FREM1: variants seen among roughly 807,000 people sequenced by gnomAD.
FREM1 encodes the protein FRAS1 related extracellular matrix 1, also known as FRAS1-related extracellular matrix protein 1.
Under a neutral mutation model 210.1 loss-of-function variants are expected in FREM1, and 220 were observed. That is an observed-to-expected ratio of 1.05 (90% CI 0.94 to 1.17). FREM1 has a LOEUF of 1.17. Ranked by LOEUF, FREM1 falls within the 50% of genes most tolerant of loss-of-function variation. The pLI, the probability that FREM1 is intolerant of heterozygous loss-of-function variation, is 0.00. For missense variants in FREM1, 3,454 were observed against 2,675.5 expected (o/e 1.29, Z -6.42); for synonymous variants, 1,189 against 980.2 (o/e 1.21, Z -3.98).
chr9:14,897,427 G>A (rs983466538), intron 1 of FREM1, among the ~76,000 whole-genome samples: 4 of 151,918 alleles, frequency 2.6e-5, no homozygotes, highest in Admixed American at 6.6e-5. Context: ...GCCCAAAGAG[G>A]CTAAGTGATT....
intron 2 of FREM1, among the ~76,000 whole-genome samples, chr9:14,864,575 G>A (rs992736982): frequency 2.0e-5 from 3 of 152,152 alleles, no homozygotes; most frequent in African/African-American, 7.2e-5. Flanking sequence ...AAATTATAAT[G>A]AACTGTCTCA....
chr9:14,896,564 AAG>A (rs1236149120), intron 1 of FREM1, among the ~76,000 whole-genome samples: 2 of 145,914 alleles, frequency 1.4e-5, no homozygotes, highest in African/African-American at 5.0e-5. Context: ...AAAAAAAAAA[AAG>A]AAGCATGAAT....
intron 27 of FREM1, among the ~76,000 whole-genome samples, chr9:14,762,962 C>T (rs773911402): frequency 6.6e-6 from 1 of 152,014 alleles, no homozygotes; most frequent in Admixed American, 6.5e-5. Context: ...GAGAGAAATT[C>T]GTAAAGTTCT....
intron 18 of FREM1, among the ~76,000 whole-genome samples, chr9:14,806,436 G>T (rs1004572849): frequency 5.7e-4 from 86 of 151,976 alleles, no homozygotes; most frequent in East Asian, 2.9e-3. Context: ...TTTATATTTA[G>T]TAGAGAGGGG....
At chr9:14,798,202 A>C (rs1852807902) in intron 20 of FREM1, among the ~76,000 whole-genome samples, 1 of 152,240 alleles carries the variant, frequency 6.6e-6, no homozygotes, top group Non-Finnish European at 1.5e-5. Context: ...ACCCAGATTT[A>C]TATAAAATGT....
In FREM1 at chr9:14,910,290, T is replaced by G. The variant is rs1484611173; in HGVS notation, c.-644A>C. The G allele has an allele frequency of 6.6e-6, 1 of 152,250 alleles. No homozygotes were observed. The highest frequency in any genetic ancestry group is 2.1e-4 in the South Asian group (1 of 4,832). The allele number at this position is 152,250 out of a possible 1,614,324, so 9.4% of individuals were successfully genotyped here. On this transcript the variant is annotated 5_prime_UTR_variant, in exon 1 of 37. Coordinates refer to ENST00000380880, the MANE Select transcript of FREM1 (RefSeq NM_001379081.2). Reference sequence around the variant, plus strand: ...TCTACTGTTTACACAGAGCCCGACCTCCCTGGCGGACAGCCACCGCTAGCC... The same window carrying G: ...TCTACTGTTTACACAGAGCCCGACCGCCCTGGCGGACAGCCACCGCTAGCC...
Position 14,847,297 on chromosome 9 carries a change from T to G in FREM1, c.1262-1206A>C, listed in dbSNP as rs114255481. ...ATGCGTTTTTATTTGCTTCTCCCCTTACTCTTGCTTTTAGTATAGGGTTAG... is the reference window on the plus strand; with the variant it reads ...ATGCGTTTTTATTTGCTTCTCCCCTGACTCTTGCTTTTAGTATAGGGTTAG... On this transcript the variant is annotated intron_variant, in intron 7 of 36. Transcript: ENST00000380880. Among the ~76,000 whole-genome samples, 869 of 152,068 alleles carry G rather than the reference T, an allele frequency of 5.7e-3. 6 individuals carry two copies. Among genetic ancestry groups the G allele is most frequent in the African/African-American group, 0.02 (819 of 41,466 alleles).
chr9:14,803,551 T>C (rs1225635594), intron 19 of FREM1, among the ~76,000 whole-genome samples: 1 of 152,050 alleles, frequency 6.6e-6, no homozygotes, highest in Non-Finnish European at 1.5e-5. Context: ...TTATTATTTG[T>C]AGAGATGGGG....
Position 14,747,383 on chromosome 9 carries a change from T to G in FREM1, c.5890A>C (p.Thr1964Pro), listed in dbSNP as rs780594544. ...SLKLEDDSFP[T>P]HKRKAKVSII... ...GATACTTTGGCCTTCCTTTTGTGAG[T>G]TGGGAAACTGTCATCCTCCAGTTTC... The change falls in exon 33 of 37, where the codon ACT (threonine) becomes CCT (proline). Residue 1964 changes from threonine to proline, a missense_variant. Physicochemically the swap from Thr to Pro is conservative, Grantham distance 38. Coordinates refer to ENST00000380880, the MANE Select transcript of FREM1 (RefSeq NM_001379081.2). 3.1e-6 allele frequency: 5 copies of G among 1,613,586 alleles called. No homozygotes were observed. The highest frequency in any genetic ancestry group is 1.3e-5 in the African/African-American group (1 of 74,880).
At chr9:14,889,715 G>A (rs1217473242) in intron 1 of FREM1, among the ~76,000 whole-genome samples, 6 of 152,204 alleles carry the variant, frequency 3.9e-5, no homozygotes, top group African/African-American at 1.4e-4. Flanking sequence ...GTCATGAGTA[G>A]AGGGAAGGGA....
intron 22 of FREM1, among the ~76,000 whole-genome samples, chr9:14,789,659 A>T (rs1850975406): frequency 6.6e-6 from 1 of 152,214 alleles, no homozygotes; most frequent in South Asian, 2.1e-4. Flanking sequence ...GATCACTATC[A>T]CTACCTACAT....
chr9:14,811,378 C>G (rs1050723575), intron 16 of FREM1, among the ~76,000 whole-genome samples: 6 of 152,268 alleles, frequency 3.9e-5, no homozygotes, highest in African/African-American at 1.4e-4. Context: ...CCTAATTTAC[C>G]TGTGCTGCAT....
intron 29 of FREM1, among the ~76,000 whole-genome samples, chr9:14,754,628 G>A (rs1056860102): frequency 1.3e-5 from 2 of 152,076 alleles, no homozygotes. Context: ...CATTATGACT[G>A]GTATTGTATA....
intron 1 of FREM1, among the ~76,000 whole-genome samples, chr9:14,891,000 A>T (rs1836718518): frequency 6.6e-6 from 1 of 152,216 alleles, no homozygotes; most frequent in African/African-American, 2.4e-5. Context: ...AAACACTCAC[A>T]TTCATCATGG....
Position 14,869,135 on chromosome 9 carries a change from A to C in FREM1, c.-158T>G. On this transcript the variant is annotated 5_prime_UTR_variant, in exon 2 of 37. Transcript: ENST00000380880. ...ATCTTAACATGCCCCTTTCATTTCA[A>C]AGTCAGACAAGGGGGCCTTTCAGGC... 1 of 555,870 alleles carries C rather than the reference A, an allele frequency of 1.8e-6. No homozygotes were observed. Among genetic ancestry groups the C allele is most frequent in the Admixed American group, 3.0e-5 (1 of 33,056 alleles). The allele number at this position is 555,870 out of a possible 1,614,324, so 34.4% of individuals were successfully genotyped here.
chr9:14,841,734 GATAAATAATAAAGCAGAAAAATA>G (rs1248604807), intron 9 of FREM1, 145 bp from the exon 10 acceptor site: 2 of 537,976 alleles, frequency 3.7e-6, no homozygotes, highest in East Asian at 3.1e-5. Context: ...TTTCATCAAA[GATAAATAATAAAGCAGAAAAATA>G]ATAAATAATA....
chr9:14,888,855 T>C (rs556849167), intron 1 of FREM1, among the ~76,000 whole-genome samples: 18 of 152,216 alleles, frequency 1.2e-4, no homozygotes, highest in Non-Finnish European at 2.2e-4. Context: ...AAAATAACTT[T>C]TTTTAAAATA....
intron 1 of FREM1, among the ~76,000 whole-genome samples, chr9:14,872,802 G>A (rs909246603): frequency 6.6e-6 from 1 of 151,782 alleles, no homozygotes; most frequent in Non-Finnish European, 1.5e-5. Flanking sequence ...ATTGGCTGTG[G>A]GTTTGTCATA....
chr9:14,763,537 C>T (rs556564639), intron 27 of FREM1, among the ~76,000 whole-genome samples: 74 of 152,244 alleles, frequency 4.9e-4, no homozygotes, highest in African/African-American at 1.7e-3. Context: ...AAGATAAATT[C>T]GGATCCCTGA....
Sources: allele counts gnomAD v4.1 joint callset (sites outside exome capture counted in the v4.1 genomes callset), GRCh38; gene constraint gnomAD v4.1.1; transcripts MANE v1.5; gene names NCBI Gene and HGNC (gene_info 2026-07-23, HGNC 2026-07-21).